The following GPHN variants were observed in gnomAD, a reference collection of about 807,000 sequenced individuals.
The protein encoded by GPHN is gephyrin.
In GPHN, 17 loss-of-function variants were observed where a neutral mutation model predicts 95.5. The observed-to-expected ratio is 0.18, with a 90% confidence interval of 0.12 to 0.27. The LOEUF is 0.27. GPHN is among the 10% of genes least tolerant of loss of function. GPHN has a pLI of 1.00. For missense variants in GPHN, 660 were observed against 978.1 expected (o/e 0.67, Z 4.34); for synonymous variants, 320 against 322.5 (o/e 0.99, Z 0.08).
intron 2 of GPHN, among the ~76,000 whole-genome samples, chr14:66,704,272 C>T (rs1038064338): frequency 6.6e-6 from 1 of 152,018 alleles, no homozygotes; most frequent in Non-Finnish European, 1.5e-5. Context: ...AGAAAATTAA[C>T]AAGGATGTTC....
At chr14:66,841,227 G>C (rs899139339) in intron 4 of GPHN, among the ~76,000 whole-genome samples, 1 of 152,022 alleles carries the variant, frequency 6.6e-6, no homozygotes, top group Non-Finnish European at 1.5e-5. Flanking sequence ...AGGGAGGGAG[G>C]ATAGGTAGCC....
At chr14:67,279,889 C>G in the GPHN span, 1 of 221,790 alleles carries the variant, frequency 4.5e-6, no homozygotes. Context: ...TTCTGATTTC[C>G]TTAAAGTTTT....
At chr14:67,482,337 C>T in the GPHN span, among the ~76,000 whole-genome samples, 1 of 152,242 alleles carries the variant, frequency 6.6e-6, no homozygotes, top group East Asian at 1.9e-4. Context: ...GATGGAATAA[C>T]TGCCCTTGGT....
the GPHN span, among the ~76,000 whole-genome samples, chr14:67,655,360 C>G: frequency 6.6e-6 from 1 of 152,058 alleles, no homozygotes; most frequent in Non-Finnish European, 1.5e-5. Context: ...TAGGTTAACT[C>G]ATTTATGGAA....
chr14:67,133,591 G>A (rs964512075), intron 17 of GPHN, among the ~76,000 whole-genome samples: 32 of 152,092 alleles, frequency 2.1e-4, no homozygotes, highest in African/African-American at 6.5e-4. Context: ...ACTTTTTTAA[G>A]TTGCTTTGGA....
chr14:67,373,713 C>T, the GPHN span, among the ~76,000 whole-genome samples: 3 of 151,960 alleles, frequency 2.0e-5, no homozygotes, highest in African/African-American at 4.8e-5. Flanking sequence ...GACTGGGGGG[C>T]GCTGTGGGAA....
At chr14:66,802,198 T>C (rs1268559209) in intron 3 of GPHN, among the ~76,000 whole-genome samples, 9 of 152,148 alleles carry the variant, frequency 5.9e-5, no homozygotes, top group Admixed American at 1.3e-4. Flanking sequence ...CTTTGCACTT[T>C]TCCCTTCACA....
chr14:67,145,536 C>T (rs959702416), intron 18 of GPHN, among the ~76,000 whole-genome samples: 3 of 152,112 alleles, frequency 2.0e-5, no homozygotes, highest in African/African-American at 4.8e-5. Flanking sequence ...GGGCATCCCA[C>T]GGTATTCCTT....
the GPHN span, among the ~76,000 whole-genome samples, chr14:67,543,015 G>A: frequency 1.4e-4 from 22 of 152,282 alleles, no homozygotes; most frequent in African/African-American, 5.1e-4. Flanking sequence ...TCAGCTGGAA[G>A]ATACATTCTA....
intron 1 of GPHN, among the ~76,000 whole-genome samples, chr14:66,529,334 C>G (rs2058819685): frequency 6.6e-6 from 1 of 152,024 alleles, no homozygotes; most frequent in Admixed American, 6.6e-5. Context: ...ATGTTCTTCT[C>G]TAAACTGGTT....
chr14:67,178,823 G>A (rs926005754), intron 21 of GPHN, among the ~76,000 whole-genome samples: 11 of 151,996 alleles, frequency 7.2e-5, no homozygotes, highest in Admixed American at 4.6e-4. Flanking sequence ...CAAAAGAAAA[G>A]CATCAAGTCA....
At chr14:66,667,555 G>T (rs1310353787) in intron 1 of GPHN, among the ~76,000 whole-genome samples, 1 of 152,142 alleles carries the variant, frequency 6.6e-6, no homozygotes, top group Non-Finnish European at 1.5e-5. Context: ...AATGGGGAAA[G>T]GATTCCCTAT....
intron 1 of GPHN, among the ~76,000 whole-genome samples, chr14:66,596,843 A>C (rs1443952801): frequency 6.6e-6 from 1 of 152,146 alleles, no homozygotes; most frequent in Non-Finnish European, 1.5e-5. Context: ...GGGAGCTTCC[A>C]CCTGTTCTTG....
chr14:66,781,754 A>G (rs2059616047), intron 3 of GPHN, among the ~76,000 whole-genome samples: 1 of 152,180 alleles, frequency 6.6e-6, no homozygotes. Flanking sequence ...CCACTGTACC[A>G]CAGATCACTG....
the GPHN span, among the ~76,000 whole-genome samples, chr14:67,565,842 G>A: frequency 4.6e-3 from 703 of 152,250 alleles, 3 homozygotes; most frequent in African/African-American, 0.016. Flanking sequence ...GTTCAAATCC[G>A]GGCTCAGTAG....
chr14:67,331,084 G>A, the GPHN span, among the ~76,000 whole-genome samples: 12 of 151,856 alleles, frequency 7.9e-5, no homozygotes, highest in South Asian at 2.1e-4. Context: ...TCACTCTGTC[G>A]CCCAGGCTGG....
intron 4 of GPHN, among the ~76,000 whole-genome samples, chr14:66,842,430 T>C (rs1261950620): frequency 6.6e-6 from 1 of 152,168 alleles, no homozygotes; most frequent in Non-Finnish European, 1.5e-5. Context: ...GAGTGAATTT[T>C]TCCAAGTACC....
chr14:67,332,026 T>C, the GPHN span, among the ~76,000 whole-genome samples: 3 of 152,256 alleles, frequency 2.0e-5, no homozygotes, highest in Non-Finnish European at 4.4e-5. Flanking sequence ...AACAGTTGAA[T>C]GATATAAATT....
intron 8 of GPHN, among the ~76,000 whole-genome samples, chr14:66,962,020 T>A (rs975775435): frequency 2.0e-5 from 3 of 146,760 alleles, no homozygotes; most frequent in Non-Finnish European, 4.6e-5. Flanking sequence ...TTTTTCATAA[T>A]GTCCTCAAAA....
Sources: gnomAD v4.1 joint callset for allele counts (sites outside exome capture counted in the v4.1 genomes callset) on GRCh38, gnomAD v4.1.1 for gene constraint, MANE v1.5 for transcripts, NCBI Gene and HGNC (gene_info 2026-07-23, HGNC 2026-07-21) for gene names.